Variants in ABI3BP observed in about 807,000 individuals in gnomAD.
ABI3BP encodes ABI family member 3 binding protein, also known as target of Nesh-SH3.
Under a neutral mutation model 268.6 loss-of-function variants are expected in ABI3BP, and 216 were observed. The ratio of observed to expected loss-of-function variants is 0.80; its 90% CI spans 0.72 to 0.90. The LOEUF (loss-of-function observed/expected upper bound fraction) is 0.90. Among genes scored for constraint, ABI3BP ranks in the 40% least tolerant of loss-of-function variants. The pLI, the probability that ABI3BP is intolerant of heterozygous loss-of-function variation, is 0.00. For synonymous variants in ABI3BP, 730 were observed against 730.0 expected, an observed-to-expected ratio of 1.00 and a Z score of 0.00; for missense variants, 2,090 against 2,182.4, an observed-to-expected ratio of 0.96 and a Z score of 0.84.
chr3:100,906,101 G>T (rs1437100456), intron 2 of ABI3BP, among the ~76,000 whole-genome samples: 2 of 152,062 alleles, frequency 1.3e-5, no homozygotes, highest in African/African-American at 4.8e-5. Flanking sequence ...TCTCACTCTA[G>T]CAGAGTCTCT....
chr3:100,926,516 C>T lies in ABI3BP; in HGVS notation c.80-35G>A, dbSNP rs765021785. On this transcript the variant is annotated intron_variant, in intron 1 of 67. Coordinates refer to ENST00000471714, the MANE Select transcript of ABI3BP (RefSeq NM_001375547.2). ...GGAATGAAAACATCGATGGCTGTTACTTCCCCTTTTTAGCATCCTACCCAA... is the reference window on the plus strand; with the variant it reads ...GGAATGAAAACATCGATGGCTGTTATTTCCCCTTTTTAGCATCCTACCCAA... 12 of 1,590,154 alleles carry T rather than the reference C, an allele frequency of 7.5e-6. 1 individual carries two copies. In the South Asian group the frequency reaches 1.3e-4, roughly 18 times the overall value.
intron 4 of ABI3BP, among the ~76,000 whole-genome samples, chr3:100,890,096 T>C (rs555978345): frequency 7.9e-5 from 12 of 152,284 alleles, no homozygotes; most frequent in African/African-American, 2.4e-4. Context: ...AGTGAAGAAA[T>C]TGAACACCAA....
intron 13 of ABI3BP, 171 bp downstream of exon 13, chr3:100,862,667 G>A (rs969732886): frequency 2.3e-5 from 14 of 608,708 alleles, no homozygotes; most frequent in South Asian, 4.6e-5. Flanking sequence ...GGGTTTTACC[G>A]AATTTGCAGA....
intron 29 of ABI3BP, among the ~76,000 whole-genome samples, chr3:100,834,051 G>C (rs2098537682): frequency 1.3e-5 from 2 of 152,122 alleles, no homozygotes; most frequent in Non-Finnish European, 2.9e-5. Context: ...GCTCACTGCA[G>C]TCTCGACTTC....
At position 100,949,433 on chromosome 3, in the gene ABI3BP, C is replaced by T. The variant is rs549921371; in HGVS notation, c.80-22952G>A. ...ACCATGCATGGCTCTTTGTTGTTGT[C>T]GTTGTTATTTTTAGTAGAAATGGAG... is the stretch of plus-strand genomic sequence containing the variant. On this transcript the variant is annotated intron_variant, in intron 1 of 67. Transcript: ENST00000471714. Among the ~76,000 whole-genome samples the T allele has an allele frequency of 8.7e-4, 132 of 152,028 alleles. No homozygotes were observed. The Middle Eastern group carries it at 0.014, about 16-fold the overall frequency.
At chr3:100,965,640 T>C (rs955799019) in intron 1 of ABI3BP, among the ~76,000 whole-genome samples, 1 of 152,096 alleles carries the variant, frequency 6.6e-6, no homozygotes, top group African/African-American at 2.4e-5. Flanking sequence ...TTAATCTGGG[T>C]GCTCTGAAGA....
At chr3:100,862,417 A>ATTT in intron 13 of ABI3BP, 32 bp from the exon 14 acceptor site, 4 of 1,275,546 alleles carry the variant, frequency 3.1e-6, no homozygotes, top group Non-Finnish European at 4.3e-6. Flanking sequence ...TTTGCTGAAG[A>ATTT]TTTTTTTTTT....
intron 4 of ABI3BP, among the ~76,000 whole-genome samples, chr3:100,894,112 A>T (rs555984789): frequency 6.6e-6 from 1 of 152,112 alleles, no homozygotes; most frequent in Non-Finnish European, 1.5e-5. Flanking sequence ...TGTGAAATGG[A>T]CAAGGAGAAG....
At chr3:100,864,976 C>T (rs1560995870) in intron 10 of ABI3BP, 69 bp from the exon 11 acceptor site, 1 of 1,206,082 alleles carries the variant, frequency 8.3e-7, no homozygotes, top group Non-Finnish European at 1.2e-6. Flanking sequence ...GGAGACACAT[C>T]CTGTTGCCTT....
At chr3:100,796,183 T>C (rs1461491669) in intron 52 of ABI3BP, among the ~76,000 whole-genome samples, 7 of 152,086 alleles carry the variant, frequency 4.6e-5, no homozygotes, top group African/African-American at 1.7e-4. Flanking sequence ...ATATTTATAA[T>C]TTTAGCGTGA....
chr3:100,879,292 G>A (rs11720318), intron 6 of ABI3BP, among the ~76,000 whole-genome samples: 56,788 of 152,096 alleles, frequency 0.37, 12,450 homozygotes, highest in Admixed American at 0.54. Flanking sequence ...AGGCAAGAGA[G>A]CCACATTATT....
In ABI3BP at chr3:100,866,928, G is replaced by A. The variant is rs780263448; in HGVS notation, c.939C>T (p.Ala313=). 44 of 1,613,578 alleles carry A rather than the reference G, an allele frequency of 2.7e-5. No individual in the cohort carries two copies. The highest frequency in any genetic ancestry group is 3.3e-5 in the Admixed American group (2 of 59,994). ...TTTCAACCTCTGGTGTTTTAGATTCGGCAGGTAATGCCAAGGTTTCATTCT... is the reference window on the plus strand; with the variant it reads ...TTTCAACCTCTGGTGTTTTAGATTCAGCAGGTAATGCCAAGGTTTCATTCT... ...LAKNETLALP[A]ESKTPEVEKI... The change falls in exon 10 of 68, where the codon GCC becomes GCT. Residue 313 remains alanine (A), a synonymous_variant. Coordinates refer to ENST00000471714, the MANE Select transcript of ABI3BP (RefSeq NM_001375547.2).
chr3:100,755,607 A>G (rs2095573782), intron 63 of ABI3BP, among the ~76,000 whole-genome samples: 1 of 152,230 alleles, frequency 6.6e-6, no homozygotes, highest in African/African-American at 2.4e-5. Context: ...CGTTGATTGT[A>G]TCCTTAAGAA....
At chr3:100,841,194 CTTTTTTTTTTTTTTTTTTT>C (rs60261694) in intron 21 of ABI3BP, among the ~76,000 whole-genome samples, 9 of 39,630 alleles carry the variant, frequency 2.3e-4, no homozygotes, top group Non-Finnish European at 3.4e-4. Context: ...CATTAGAACA[CTTTTTTTTTTTTTTTTTTT>C]TTTTTTTTTT....
chr3:100,765,106 G>GAAAA (rs33912702), intron 63 of ABI3BP, among the ~76,000 whole-genome samples: 2 of 143,644 alleles, frequency 1.4e-5, no homozygotes. Context: ...TGAACATTAT[G>GAAAA]AAAAAAAAAA....
chr3:100,822,674 T>C lies in ABI3BP; in HGVS notation c.2804-2A>G, dbSNP rs2152688682. 1.3e-6 allele frequency: 2 copies of C among 1,536,448 alleles called. No homozygotes were observed. The highest frequency in any genetic ancestry group is 2.4e-5 in the South Asian group (2 of 84,058). ...GTGTCCGTTGTGATGTTTTGGAAGCTGAAGGAAGAAGTTCTTGGGTTACAA... is the reference window on the plus strand; with the variant it reads ...GTGTCCGTTGTGATGTTTTGGAAGCCGAAGGAAGAAGTTCTTGGGTTACAA... On this transcript the variant is annotated splice_acceptor_variant, in intron 37 of 67. Transcript: ENST00000471714. LOFTEE classifies it high-confidence loss of function.
At chr3:100,878,375 T>C (rs970742064) in intron 6 of ABI3BP, among the ~76,000 whole-genome samples, 6 of 152,226 alleles carry the variant, frequency 3.9e-5, no homozygotes, top group Admixed American at 3.3e-4. Flanking sequence ...TTGTGCACCT[T>C]TCTATATTTG....
intron 9 of ABI3BP, among the ~76,000 whole-genome samples, chr3:100,868,813 C>A (rs1031267042): frequency 2.6e-5 from 4 of 151,994 alleles, no homozygotes; most frequent in African/African-American, 9.7e-5. Flanking sequence ...AAAAATCTAG[C>A]ATAATTTTAT....
chr3:100,886,470 A>T (rs968074546), intron 4 of ABI3BP, 147 bp from the exon 5 acceptor site: 7 of 539,478 alleles, frequency 1.3e-5, no homozygotes, highest in Non-Finnish European at 1.8e-5. Flanking sequence ...ATTTGCAGAG[A>T]ACATGAAAAA....
Sources: allele counts gnomAD v4.1 joint callset (sites outside exome capture counted in the v4.1 genomes callset), GRCh38; gene constraint gnomAD v4.1.1; transcripts MANE v1.5; gene names NCBI Gene and HGNC (gene_info 2026-07-23, HGNC 2026-07-21).